Variants in CCDC102B observed in about 807,000 individuals in gnomAD.
CCDC102B encodes coiled-coil domain-containing protein 102B.
In CCDC102B, 75 loss-of-function variants were observed where a neutral mutation model predicts 57.4. That is an observed-to-expected ratio of 1.31 (90% CI 1.08 to 1.58). The LOEUF is 1.58. Ranked by LOEUF, CCDC102B falls within the 40% of genes most tolerant of loss-of-function variation. CCDC102B has a pLI of 0.00. For synonymous variants in CCDC102B, 206 were observed against 201.9 expected, an observed-to-expected ratio of 1.02 and a Z score of -0.17; for missense variants, 636 against 582.6, an observed-to-expected ratio of 1.09 and a Z score of -0.94.
In CCDC102B at chr18:68,733,500, ATATATATTTT is replaced by A. The variant is rs1401135225; in HGVS notation, c.-67+16908_-67+16917del. On this transcript the variant is annotated intron_variant, in intron 2 of 3. Coordinates refer to the CCDC102B transcript ENST00000578970. ...ACTTTATATATATATATATATATAT[ATATATATTTT>A]TTTAACTTAAGCATGCTTTAAGAAG... Among the ~76,000 whole-genome samples, 30 of 101,382 alleles carry A rather than the reference ATATATATTTT, an allele frequency of 3.0e-4. No individual in the cohort carries two copies. In the East Asian group the frequency reaches 7.3e-3, roughly 25 times the overall value. 66.5% of individuals were successfully genotyped at this position (101,382 alleles called of 152,430 possible).
At chr18:69,032,028 T>A (rs897491783) in intron 7 of CCDC102B, among the ~76,000 whole-genome samples, 1 of 152,090 alleles carries the variant, frequency 6.6e-6, no homozygotes, top group Non-Finnish European at 1.5e-5. Flanking sequence ...GATTTTTATA[T>A]CAAGATTCAG....
chr18:69,001,542 G>A (rs1223953946), intron 6 of CCDC102B, among the ~76,000 whole-genome samples: 1 of 151,686 alleles, frequency 6.6e-6, no homozygotes, highest in African/African-American at 2.4e-5. Context: ...AATCCTGGTA[G>A]TGTGCTTCCC....
At chr18:68,980,985 A>G (rs2050565165) in intron 6 of CCDC102B, among the ~76,000 whole-genome samples, 1 of 152,068 alleles carries the variant, frequency 6.6e-6, no homozygotes, top group Non-Finnish European at 1.5e-5. Context: ...TAAGGAGGCT[A>G]TTGCACCAAT....
chr18:68,834,113 A>T (rs565379074), intron 1 of CCDC102B, among the ~76,000 whole-genome samples: 35 of 152,246 alleles, frequency 2.3e-4, no homozygotes, highest in African/African-American at 7.0e-4. Context: ...ATACTCTCCA[A>T]GTTCAAGGAC....
intron 6 of CCDC102B, among the ~76,000 whole-genome samples, chr18:69,003,561 G>T (rs1568117767): frequency 6.6e-6 from 1 of 152,190 alleles, no homozygotes; most frequent in Non-Finnish European, 1.5e-5. Flanking sequence ...ATCCCTGATT[G>T]CATTTGCTGA....
chr18:68,738,170 C>T (rs1206443156), intron 2 of CCDC102B, among the ~76,000 whole-genome samples: 5 of 151,592 alleles, frequency 3.3e-5, no homozygotes, highest in South Asian at 2.1e-4. Flanking sequence ...GAGGTAGGAC[C>T]GGGGTATTCC....
At chr18:69,052,326 A>G (rs2052727549) in intron 7 of CCDC102B, among the ~76,000 whole-genome samples, 1 of 152,000 alleles carries the variant, frequency 6.6e-6, no homozygotes, top group Non-Finnish European at 1.5e-5. Context: ...ATTAAACTGG[A>G]TCCCTTCTAA....
At chr18:69,053,998 C>T (rs1399800225) in intron 7 of CCDC102B, 32 bp from the exon 8 acceptor site, 3 of 1,572,498 alleles carry the variant, frequency 1.9e-6, no homozygotes, top group Non-Finnish European at 2.6e-6. Context: ...AACACTTGAA[C>T]CTAACTAAAG....
chr18:68,794,327 G>A (rs2035559309), upstream of CCDC102B, among the ~76,000 whole-genome samples: 1 of 152,086 alleles, frequency 6.6e-6, no homozygotes, highest in Non-Finnish European at 1.5e-5. Flanking sequence ...ACTGGCATTA[G>A]AAATACAAAA....
chr18:68,967,370 G>A (rs537552982), intron 6 of CCDC102B, among the ~76,000 whole-genome samples: 73 of 152,064 alleles, frequency 4.8e-4, no homozygotes, highest in African/African-American at 1.7e-3. Flanking sequence ...ATACAAAGGA[G>A]GATTTTTGAA....
chr18:68,971,850 CATATT>C (rs1490746837), intron 6 of CCDC102B, among the ~76,000 whole-genome samples: 1 of 152,076 alleles, frequency 6.6e-6, no homozygotes, highest in African/African-American at 2.4e-5. Context: ...TATTAAAATA[CATATT>C]ATATCAATTG....
chr18:68,989,090 G>A (rs1336961209), intron 6 of CCDC102B, among the ~76,000 whole-genome samples: 1 of 151,882 alleles, frequency 6.6e-6, no homozygotes, highest in African/African-American at 2.4e-5. Context: ...TTACTGTTTG[G>A]CACTATTTAG....
chr18:68,834,933 A>G (rs879682640), intron 1 of CCDC102B, among the ~76,000 whole-genome samples: 2 of 152,012 alleles, frequency 1.3e-5, no homozygotes, highest in African/African-American at 2.4e-5. Context: ...ATAAAAGCAG[A>G]TGAAAAAAAG....
chr18:68,879,308 G>A (rs146543283), intron 5 of CCDC102B, among the ~76,000 whole-genome samples: 1,591 of 152,282 alleles, frequency 0.01, 34 homozygotes, highest in East Asian at 0.078. Context: ...GACCCAAAGA[G>A]TGAGCAGTAG....
chr18:68,913,464 T>C (rs1160745978), intron 6 of CCDC102B, among the ~76,000 whole-genome samples: 1 of 151,854 alleles, frequency 6.6e-6, no homozygotes, highest in African/African-American at 2.4e-5. Flanking sequence ...CTGATCAACA[T>C]GGTGAAACCC....
At chr18:68,874,212 G>GTGTGTGTATA (rs1235797400) in intron 4 of CCDC102B, among the ~76,000 whole-genome samples, 4 of 120,680 alleles carry the variant, frequency 3.3e-5, no homozygotes, top group African/African-American at 1.2e-4. Flanking sequence ...GTGTGTGTGT[G>GTGTGTGTATA]TATATATATA....
chr18:68,929,659 C>T (rs566511124), intron 6 of CCDC102B, among the ~76,000 whole-genome samples: 2 of 152,022 alleles, frequency 1.3e-5, no homozygotes, highest in South Asian at 4.1e-4. Context: ...AATTTTCAAA[C>T]ATTAACCATC....
At chr18:68,878,900 C>T (rs1382020047) in intron 5 of CCDC102B, among the ~76,000 whole-genome samples, 1 of 152,166 alleles carries the variant, frequency 6.6e-6, no homozygotes, top group Non-Finnish European at 1.5e-5. Flanking sequence ...GCCACGGACC[C>T]TCGTGGTGAG....
At chr18:69,013,032 G>GA (rs144196061) in intron 7 of CCDC102B, among the ~76,000 whole-genome samples, 9,605 of 146,448 alleles carry the variant, frequency 0.066, 997 homozygotes, top group African/African-American at 0.22. Flanking sequence ...CTACCTAAAG[G>GA]AAAAAAAAAA....
Sources: allele counts gnomAD v4.1 joint callset (sites outside exome capture counted in the v4.1 genomes callset), GRCh38; gene constraint gnomAD v4.1.1; transcripts MANE v1.5; gene names NCBI Gene and HGNC (gene_info 2026-07-23, HGNC 2026-07-21).